TSPAN5: variants seen among roughly 807,000 people sequenced by gnomAD.
TSPAN5 encodes tetraspanin 5.
Under a neutral mutation model 37.1 loss-of-function variants are expected in TSPAN5, and 10 were observed. The ratio of observed to expected loss-of-function variants is 0.27; its 90% confidence interval spans 0.17 to 0.46. TSPAN5 has a LOEUF of 0.46. Ranked by LOEUF, TSPAN5 falls within the 20% of genes least tolerant of loss-of-function variation. The probability of loss-of-function intolerance (pLI) is 1.00; values close to 1 mark genes in which losing one functional copy is unlikely to be tolerated. For missense variants in TSPAN5, 195 were observed against 326.6 expected (o/e 0.60, Z 3.11); for synonymous variants, 110 against 118.9 (o/e 0.93, Z 0.48).
intron 1 of TSPAN5, among the ~76,000 whole-genome samples, chr4:98,611,100 A>G (rs1440395128): frequency 6.6e-6 from 1 of 152,242 alleles, no homozygotes; most frequent in African/African-American, 2.4e-5. Flanking sequence ...GGAGGAAGGC[A>G]GAGGAACTCC....
intron 1 of TSPAN5, among the ~76,000 whole-genome samples, chr4:98,608,069 C>CA (rs1005416686): frequency 2.6e-5 from 4 of 152,060 alleles, no homozygotes; most frequent in African/African-American, 4.8e-5. Context: ...GAAGATTTCT[C>CA]AAAAAATAAG....
At chr4:98,491,520 T>C (rs1753084882) in intron 2 of TSPAN5, among the ~76,000 whole-genome samples, 1 of 152,034 alleles carries the variant, frequency 6.6e-6, no homozygotes, top group South Asian at 2.1e-4. Flanking sequence ...AAACCCAGTC[T>C]CAACTAAAAA....
intron 1 of TSPAN5, among the ~76,000 whole-genome samples, chr4:98,642,602 T>C (rs1579050963): frequency 1.3e-5 from 2 of 152,216 alleles, no homozygotes; most frequent in Non-Finnish European, 2.9e-5. Context: ...TCTTTTTTTT[T>C]CTCCAAAGAG....
intron 2 of TSPAN5, among the ~76,000 whole-genome samples, chr4:98,502,987 C>T (rs1341810639): frequency 6.6e-6 from 1 of 151,670 alleles, no homozygotes; most frequent in Non-Finnish European, 1.5e-5. Flanking sequence ...GACAGTCTGC[C>T]TTAGCAGAAG....
At chr4:98,503,300 C>G (rs1054274407) in intron 2 of TSPAN5, among the ~76,000 whole-genome samples, 1 of 152,168 alleles carries the variant, frequency 6.6e-6, no homozygotes, top group East Asian at 1.9e-4. Context: ...ACACTCTCTA[C>G]AGCCCCTAAA....
At chr4:98,493,530 T>C (rs1182432587) in intron 2 of TSPAN5, among the ~76,000 whole-genome samples, 1 of 152,138 alleles carries the variant, frequency 6.6e-6, no homozygotes, top group African/African-American at 2.4e-5. Context: ...AACAGAAAGA[T>C]TCAGAATGAG....
At chr4:98,647,744 C>T (rs547678742) in intron 1 of TSPAN5, among the ~76,000 whole-genome samples, 1 of 152,082 alleles carries the variant, frequency 6.6e-6, no homozygotes, top group South Asian at 2.1e-4. Context: ...AAAATTATAC[C>T]TTGTGATTCA....
At chr4:98,620,021 C>T (rs771163644) in intron 1 of TSPAN5, among the ~76,000 whole-genome samples, 65 of 152,120 alleles carry the variant, frequency 4.3e-4, no homozygotes, top group Non-Finnish European at 8.4e-4. Flanking sequence ...AACATTTAGA[C>T]GTAGCATGGA....
chr4:98,497,517 T>A (rs1463942380), intron 2 of TSPAN5, among the ~76,000 whole-genome samples: 2 of 152,078 alleles, frequency 1.3e-5, no homozygotes, highest in Non-Finnish European at 2.9e-5. Context: ...CAGTCTATAG[T>A]ATTTTGTTAC....
At chr4:98,634,821 G>A (rs1467305457) in intron 1 of TSPAN5, among the ~76,000 whole-genome samples, 2 of 152,152 alleles carry the variant, frequency 1.3e-5, no homozygotes, top group Non-Finnish European at 2.9e-5. Context: ...ATAATGAAAG[G>A]GATTATAAAC....
intron 1 of TSPAN5, among the ~76,000 whole-genome samples, chr4:98,623,242 A>T (rs1352209068): frequency 6.6e-6 from 1 of 152,218 alleles, no homozygotes; most frequent in African/African-American, 2.4e-5. Context: ...CCCCCAAGGG[A>T]ACTGCATGAA....
intron 1 of TSPAN5, among the ~76,000 whole-genome samples, chr4:98,614,499 GA>G (rs1326129684): frequency 6.6e-6 from 1 of 152,160 alleles, no homozygotes; most frequent in Non-Finnish European, 1.5e-5. Flanking sequence ...ATATGACCCA[GA>G]ACAGCCGATG....
chr4:98,571,307 G>A (rs1397822885), intron 1 of TSPAN5, among the ~76,000 whole-genome samples: 2 of 152,070 alleles, frequency 1.3e-5, no homozygotes, highest in Non-Finnish European at 2.9e-5. Flanking sequence ...GCTGCACGGG[G>A]GAGCGCAGAA....
chr4:98,558,321 C>T (rs1359312835), intron 1 of TSPAN5, among the ~76,000 whole-genome samples: 1 of 152,174 alleles, frequency 6.6e-6, no homozygotes, highest in Non-Finnish European at 1.5e-5. Flanking sequence ...TAAATGGAAA[C>T]TGTACTATCT....
intron 1 of TSPAN5, among the ~76,000 whole-genome samples, chr4:98,652,716 G>A (rs1376408634): frequency 1.3e-5 from 2 of 152,088 alleles, no homozygotes; most frequent in Non-Finnish European, 2.9e-5. Context: ...AGACTCTTTG[G>A]GGTGCTTACA....
chr4:98,623,921 AGAGT>A (rs906293138), intron 1 of TSPAN5, among the ~76,000 whole-genome samples: 31 of 152,314 alleles, frequency 2.0e-4, no homozygotes, highest in African/African-American at 7.0e-4. Context: ...GTGTCCTCCC[AGAGT>A]AAGTTTGGAT....
intron 1 of TSPAN5, among the ~76,000 whole-genome samples, chr4:98,532,813 T>TA (rs1164103771): frequency 2.0e-5 from 3 of 152,226 alleles, no homozygotes; most frequent in African/African-American, 7.2e-5. Flanking sequence ...TTCAGTATGA[T>TA]ATTGGCTGTG....
chr4:98,515,832 A>C (rs1451452781), intron 1 of TSPAN5, among the ~76,000 whole-genome samples: 1 of 152,190 alleles, frequency 6.6e-6, no homozygotes, highest in Non-Finnish European at 1.5e-5. Context: ...CTCATATGGT[A>C]CTTAATTTCA....
chr4:98,530,350 GACTA>G (rs1298803708), intron 1 of TSPAN5, among the ~76,000 whole-genome samples: 2 of 152,202 alleles, frequency 1.3e-5, no homozygotes, highest in Non-Finnish European at 2.9e-5. Flanking sequence ...TTCTGTACAT[GACTA>G]ACTGTCATCA....
Sources: allele counts gnomAD v4.1 joint callset (sites outside exome capture counted in the v4.1 genomes callset), GRCh38; gene constraint gnomAD v4.1.1; transcripts MANE v1.5; gene names NCBI Gene and HGNC (gene_info 2026-07-23, HGNC 2026-07-21).